The following RALYL variants were observed in gnomAD, a reference collection of about 807,000 sequenced individuals.
RALYL encodes RALY RNA binding protein like.
In RALYL, 29 loss-of-function variants were observed where a neutral mutation model predicts 35.1. The ratio of observed to expected loss-of-function variants is 0.83; its 90% CI spans 0.61 to 1.13. The LOEUF (loss-of-function observed/expected upper bound fraction) is 1.13. Among genes scored for constraint, RALYL ranks in the 50% most tolerant of loss-of-function variants. The probability of loss-of-function intolerance (pLI) is 0.00; values close to 1 mark genes in which losing one functional copy is unlikely to be tolerated. For synonymous variants in RALYL, 120 were observed against 127.6 expected (o/e 0.94, Z 0.40); for missense variants, 359 against 360.4 (o/e 1.00, Z 0.03).
At chr8:84,802,811 G>T (rs1398699421) in intron 3 of RALYL, among the ~76,000 whole-genome samples, 1 of 152,156 alleles carries the variant, frequency 6.6e-6, no homozygotes, top group African/African-American at 2.4e-5. Flanking sequence ...TGAGAGCAGT[G>T]TGTAAAGTTG....
chr8:84,809,470 T>C (rs1825417474), intron 4 of RALYL, among the ~76,000 whole-genome samples: 1 of 152,130 alleles, frequency 6.6e-6, no homozygotes, highest in South Asian at 2.1e-4. Context: ...TTTCCTGGTT[T>C]TGGTATTAGG....
chr8:84,202,742 A>G (rs1195498780), intron 1 of RALYL, among the ~76,000 whole-genome samples: 1 of 152,160 alleles, frequency 6.6e-6, no homozygotes, highest in Non-Finnish European at 1.5e-5. Flanking sequence ...ACTAGGAATT[A>G]TGCTACAAAA....
intron 1 of RALYL, among the ~76,000 whole-genome samples, chr8:84,309,118 C>G (rs901463518): frequency 6.6e-6 from 1 of 151,188 alleles, no homozygotes; most frequent in Non-Finnish European, 1.5e-5. Context: ...TTAAATAGAA[C>G]AAAATCACAT....
In RALYL at chr8:84,750,941, C is replaced by A. The variant is rs183507983; in HGVS notation, c.257-23638C>A. On this transcript the variant is annotated intron_variant, in intron 2 of 8. Coordinates refer to ENST00000521268, the MANE Select transcript of RALYL (RefSeq NM_173848.7). ...ATAAGCAACAGAAAATGAACTAAGA[C>A]TCCCTCTTTTTCTTCCCTGCATTTA... Among the ~76,000 whole-genome samples, 9 of 152,274 alleles carry A rather than the reference C, an allele frequency of 5.9e-5. No individual in the cohort carries two copies. The East Asian group carries it at 1.7e-3, about 29-fold the overall frequency.
chr8:84,561,761 AC>A (rs2061483444), intron 2 of RALYL, among the ~76,000 whole-genome samples: 2 of 151,936 alleles, frequency 1.3e-5, no homozygotes, highest in Non-Finnish European at 2.9e-5. Context: ...GCATGGATAC[AC>A]TAGACATAGG....
At chr8:84,815,802 C>T (rs563345818) in intron 4 of RALYL, among the ~76,000 whole-genome samples, 1 of 151,662 alleles carries the variant, frequency 6.6e-6, no homozygotes, top group East Asian at 1.9e-4. Flanking sequence ...TTTGGGAGGC[C>T]GAGCAGGCAG....
chr8:84,600,416 A>G (rs948156057), intron 2 of RALYL, among the ~76,000 whole-genome samples: 4 of 152,076 alleles, frequency 2.6e-5, no homozygotes, highest in Non-Finnish European at 4.4e-5. Flanking sequence ...GGCTGGACTT[A>G]TTTAGTTTAT....
intron 2 of RALYL, among the ~76,000 whole-genome samples, chr8:84,566,983 T>A (rs1211729814): frequency 6.6e-6 from 1 of 151,770 alleles, no homozygotes; most frequent in Non-Finnish European, 1.5e-5. Context: ...CCCATCTCCT[T>A]GAACAATTTC....
At chr8:84,560,923 C>G (rs1564147647) in intron 2 of RALYL, among the ~76,000 whole-genome samples, 3 of 151,974 alleles carry the variant, frequency 2.0e-5, no homozygotes, top group African/African-American at 7.2e-5. Context: ...TGGATGTTTT[C>G]TCCTCACTGC....
intron 1 of RALYL, among the ~76,000 whole-genome samples, chr8:84,225,731 C>T (rs1214519935): frequency 2.0e-5 from 3 of 152,146 alleles, no homozygotes; most frequent in East Asian, 3.9e-4. Context: ...TCCACCTTCA[C>T]GGTGTCCTCT....
At chr8:84,883,072 CCTATTA>C (rs1219951135) in intron 7 of RALYL, among the ~76,000 whole-genome samples, 1 of 151,944 alleles carries the variant, frequency 6.6e-6, no homozygotes, top group East Asian at 1.9e-4. Context: ...ATGTTGACTA[CCTATTA>C]CTAACACACA....
At chr8:84,522,407 G>A (rs952410178) in intron 1 of RALYL, among the ~76,000 whole-genome samples, 9 of 151,630 alleles carry the variant, frequency 5.9e-5, no homozygotes, top group Admixed American at 3.9e-4. Context: ...CCGCCACTAC[G>A]CCCGGCTAAT....
chr8:84,697,743 C>G (rs2132260380), intron 2 of RALYL, among the ~76,000 whole-genome samples: 1 of 152,032 alleles, frequency 6.6e-6, no homozygotes, highest in South Asian at 2.1e-4. Flanking sequence ...CTTCTCCCAC[C>G]CTCCACCCTC....
At chr8:84,481,211 C>A (rs568905520) in intron 1 of RALYL, among the ~76,000 whole-genome samples, 20 of 152,160 alleles carry the variant, frequency 1.3e-4, no homozygotes, top group African/African-American at 4.8e-4. Flanking sequence ...TTCATTGTTC[C>A]ATTTTCACTA....
At chr8:84,689,606 C>T (rs1430488137) in intron 2 of RALYL, among the ~76,000 whole-genome samples, 1 of 152,052 alleles carries the variant, frequency 6.6e-6, no homozygotes, top group Non-Finnish European at 1.5e-5. Flanking sequence ...AATGGGATGG[C>T]TGGGTCAAAT....
At chr8:84,729,685 A>G (rs1845746755) in intron 2 of RALYL, among the ~76,000 whole-genome samples, 1 of 152,128 alleles carries the variant, frequency 6.6e-6, no homozygotes, top group Non-Finnish European at 1.5e-5. Flanking sequence ...GACGCAATAA[A>G]AAATGATAAA....
At chr8:84,456,372 A>G (rs1413358400) in intron 1 of RALYL, among the ~76,000 whole-genome samples, 1 of 152,066 alleles carries the variant, frequency 6.6e-6, no homozygotes, top group Admixed American at 6.6e-5. Flanking sequence ...GAGGATACTA[A>G]GGTTCACCAA....
chr8:84,363,509 A>C lies in RALYL; in HGVS notation c.-23-165790A>C, dbSNP rs368385797. On this transcript the variant is annotated intron_variant, in intron 1 of 8. Transcript: ENST00000521268. ...TTTATGATCAACAACCTAATACCAC[A>C]CAGGAAAGGGAGTTCTGGAGAATTT... Among the ~76,000 whole-genome samples the C allele has an allele frequency of 1.1e-3, 167 of 152,324 alleles. 5 individuals are homozygous for C. In the South Asian group the frequency reaches 0.033, roughly 30 times the overall value.
chr8:84,598,363 C>A (rs1815095031), intron 2 of RALYL, among the ~76,000 whole-genome samples: 1 of 152,092 alleles, frequency 6.6e-6, no homozygotes, highest in East Asian at 1.9e-4. Context: ...CTCTGTTTCT[C>A]ATTTCTGTAG....
Sources: allele counts gnomAD v4.1 joint callset (sites outside exome capture counted in the v4.1 genomes callset), GRCh38; gene constraint gnomAD v4.1.1; transcripts MANE v1.5; gene names NCBI Gene and HGNC (gene_info 2026-07-23, HGNC 2026-07-21).